Variants in CHSY3 observed in about 807,000 individuals in gnomAD.
CHSY3 encodes the protein N-acetylgalactosaminyl-proteoglycan 3-beta-glucuronosyltransferase 3.
A neutral mutation model predicts 67.2 loss-of-function variants in CHSY3; 35 were observed. That is an observed-to-expected ratio of 0.52 (90% CI 0.40 to 0.69). The LOEUF is 0.69. Ranked by LOEUF, CHSY3 falls within the 30% of genes least tolerant of loss-of-function variation. The probability of loss-of-function intolerance (pLI) is 0.00; values close to 1 mark genes in which losing one functional copy is unlikely to be tolerated. For missense variants in CHSY3, 1,069 were observed against 1,138.5 expected (o/e 0.94, Z 0.88); for synonymous variants, 474 against 434.7 (o/e 1.09, Z -1.12).
At chr5:130,152,428 ACTTTC>A (rs2149724552) in intron 2 of CHSY3, among the ~76,000 whole-genome samples, 1 of 152,232 alleles carries the variant, frequency 6.6e-6, no homozygotes, top group East Asian at 1.9e-4. Context: ...TCCTCTACTA[ACTTTC>A]ATCATTTCTC....
intron 2 of CHSY3, among the ~76,000 whole-genome samples, chr5:130,095,740 A>G (rs1331520645): frequency 2.0e-5 from 3 of 152,234 alleles, no homozygotes; most frequent in African/African-American, 7.2e-5. Flanking sequence ...AAAACAGGAT[A>G]TTTGCATAGT....
At chr5:130,057,361 T>C (rs1765568395) in intron 2 of CHSY3, among the ~76,000 whole-genome samples, 1 of 152,086 alleles carries the variant, frequency 6.6e-6, no homozygotes, top group Non-Finnish European at 1.5e-5. Context: ...TGTAGTAAAT[T>C]ACTAAGAAAA....
At chr5:130,088,146 G>A (rs2050132688) in intron 2 of CHSY3, among the ~76,000 whole-genome samples, 1 of 152,058 alleles carries the variant, frequency 6.6e-6, no homozygotes, top group Non-Finnish European at 1.5e-5. Context: ...AAATGGTGCT[G>A]GGAAAACTGG....
intron 2 of CHSY3, among the ~76,000 whole-genome samples, chr5:130,040,141 T>C (rs2149664836): frequency 6.6e-6 from 1 of 152,242 alleles, no homozygotes; most frequent in Admixed American, 6.5e-5. Flanking sequence ...TGGGTGCCCA[T>C]GTGCAAGAGC....
In CHSY3 at chr5:130,186,549, T is replaced by C. The variant is rs1380574367; in HGVS notation, c.*758T>C. On this transcript the variant is annotated 3_prime_UTR_variant, in exon 3 of 3. Transcript: ENST00000305031. Reference sequence around the variant, plus strand: ...AGCTTTATGAAACAATGTCCTTCATTTGCTGGCAAGAAGATAAAATATGAC... The same window carrying C: ...AGCTTTATGAAACAATGTCCTTCATCTGCTGGCAAGAAGATAAAATATGAC... The C allele has an allele frequency of 6.5e-6, 1 of 152,760 alleles. No individual in the cohort carries two copies. The highest frequency in any genetic ancestry group is 2.4e-5 in the African/African-American group (1 of 41,466). The allele number at this position is 152,760 out of a possible 1,614,324, so 9.5% of individuals were successfully genotyped here.
chr5:130,096,309 C>A (rs1031046994), intron 2 of CHSY3, among the ~76,000 whole-genome samples: 4 of 152,164 alleles, frequency 2.6e-5, no homozygotes, highest in Admixed American at 2.6e-4. Flanking sequence ...GTAGCTGAGA[C>A]TACAGGCGCA....
At chr5:130,112,029 A>AG (rs1348578860) in intron 2 of CHSY3, among the ~76,000 whole-genome samples, 1 of 152,094 alleles carries the variant, frequency 6.6e-6, no homozygotes, top group Non-Finnish European at 1.5e-5. Flanking sequence ...ACAGTTGATA[A>AG]GGGGCTGAGC....
At chr5:130,090,998 G>GT (rs1347976673) in intron 2 of CHSY3, among the ~76,000 whole-genome samples, 1 of 151,942 alleles carries the variant, frequency 6.6e-6, no homozygotes, top group East Asian at 1.9e-4. Context: ...TCAAATCTGT[G>GT]TTTTTTTATA....
At chr5:130,050,154 C>T (rs1375304649) in intron 2 of CHSY3, among the ~76,000 whole-genome samples, 1 of 152,114 alleles carries the variant, frequency 6.6e-6, no homozygotes, top group Non-Finnish European at 1.5e-5. Context: ...ACACATCAAA[C>T]TACAACAATG....
intron 2 of CHSY3, among the ~76,000 whole-genome samples, chr5:130,014,407 T>C (rs914581042): frequency 3.9e-5 from 6 of 152,152 alleles, no homozygotes; most frequent in Admixed American, 3.3e-4. Flanking sequence ...ACTCACAGTT[T>C]CACATGGCTA....
At chr5:130,044,138 G>T (rs549468711) in intron 2 of CHSY3, among the ~76,000 whole-genome samples, 2 of 151,988 alleles carry the variant, frequency 1.3e-5, no homozygotes, top group Admixed American at 1.3e-4. Flanking sequence ...TGAAGAAGAA[G>T]GAATCTACTG....
chr5:129,999,890 G>A (rs1053038622), intron 2 of CHSY3, among the ~76,000 whole-genome samples: 3 of 151,960 alleles, frequency 2.0e-5, no homozygotes, highest in African/African-American at 7.2e-5. Flanking sequence ...TCTAGGTTAA[G>A]AATTAGGATA....
At chr5:129,969,549 C>G (rs941578128) in intron 2 of CHSY3, among the ~76,000 whole-genome samples, 4 of 151,782 alleles carry the variant, frequency 2.6e-5, no homozygotes, top group Non-Finnish European at 5.9e-5. Flanking sequence ...TTGCTTGTGA[C>G]TGATCTCAAG....
At chr5:130,035,886 G>GTTTTTTTTTTTTTTTTTTT (rs1180462327) in intron 2 of CHSY3, among the ~76,000 whole-genome samples, 2 of 65,558 alleles carry the variant, frequency 3.1e-5, no homozygotes, top group African/African-American at 1.2e-4. Context: ...TCATTTGGTT[G>GTTTTTTTTTTTTTTTTTTT]TTTTTTTTTT....
At chr5:129,927,339 TA>T (rs1446304961) in intron 2 of CHSY3, among the ~76,000 whole-genome samples, 3 of 151,806 alleles carry the variant, frequency 2.0e-5, no homozygotes, top group Admixed American at 6.6e-5. Flanking sequence ...ACATTTTTCT[TA>T]AAAAAAACTT....
At chr5:130,127,685 G>T (rs1415455993) in intron 2 of CHSY3, among the ~76,000 whole-genome samples, 1 of 152,106 alleles carries the variant, frequency 6.6e-6, no homozygotes, top group East Asian at 1.9e-4. Context: ...CTCAAACTTA[G>T]GTCAATCAGA....
Position 130,186,327 on chromosome 5 carries a change from A to G in CHSY3, c.*536A>G, listed in dbSNP as rs1770420556. The G allele has an allele frequency of 6.6e-6, 1 of 152,632 alleles. No homozygotes were observed. 9.5% of individuals were successfully genotyped at this position (152,632 alleles called of 1,614,324 possible). On this transcript the variant is annotated 3_prime_UTR_variant, in exon 3 of 3. Coordinates refer to ENST00000305031, the MANE Select transcript of CHSY3 (RefSeq NM_175856.5). ...TTCATCTTTAGAATTTTTAAAGTAA[A>G]TGAATACCTATGATTGTATGTTTAT...
In CHSY3 at chr5:130,148,147, G is replaced by A. The variant is rs145046363; in HGVS notation, c.1087-36082G>A. On this transcript the variant is annotated intron_variant, in intron 2 of 2. Transcript: ENST00000305031. ...CTCCCACTTATAAGTGAGAACATGT[G>A]TTATTTGGTTTTCTGTTCCTGCATT... 2.8e-3 allele frequency among the ~76,000 whole-genome samples: 432 copies of A among 152,242 alleles called. 1 individual carries two copies. Among genetic ancestry groups the A allele is most frequent in the African/African-American group, 0.01 (419 of 41,544 alleles).
chr5:130,007,121 T>C (rs1418786188), intron 2 of CHSY3, among the ~76,000 whole-genome samples: 2 of 152,230 alleles, frequency 1.3e-5, no homozygotes, highest in Non-Finnish European at 2.9e-5. Context: ...AACAAAATAT[T>C]ATACCATGTT....
Sources: gnomAD v4.1 joint callset for allele counts (sites outside exome capture counted in the v4.1 genomes callset) on GRCh38, gnomAD v4.1.1 for gene constraint, MANE v1.5 for transcripts, NCBI Gene and HGNC (gene_info 2026-07-23, HGNC 2026-07-21) for gene names.